The following MAGI2 variants were observed in gnomAD, a reference collection of about 807,000 sequenced individuals.
MAGI2 encodes membrane-associated guanylate kinase, WW and PDZ domain-containing protein 2.
A neutral mutation model predicts 133.3 loss-of-function variants in MAGI2; 35 were observed. The ratio of observed to expected loss-of-function variants is 0.26; its 90% CI spans 0.20 to 0.35. The LOEUF (loss-of-function observed/expected upper bound fraction) is 0.35, where lower values mean the gene tolerates loss of function less well. Among genes scored for constraint, MAGI2 ranks in the 10% least tolerant of loss-of-function variants. The probability of loss-of-function intolerance (pLI) is 1.00; values close to 1 mark genes in which losing one functional copy is unlikely to be tolerated. For synonymous variants in MAGI2, 729 were observed against 710.6 expected, an observed-to-expected ratio of 1.03 and a Z score of -0.41; for missense variants, 1,636 against 1,863.4, an observed-to-expected ratio of 0.88 and a Z score of 2.25.
At chr7:78,233,346 A>G (rs1479405594) in intron 10 of MAGI2, among the ~76,000 whole-genome samples, 2 of 152,180 alleles carry the variant, frequency 1.3e-5, no homozygotes, top group Admixed American at 6.6e-5. Flanking sequence ...AGCGTCCCGG[A>G]AGCCACGGGA....
chr7:79,450,412 C>A (rs990631207), intron 1 of MAGI2, among the ~76,000 whole-genome samples: 18 of 152,026 alleles, frequency 1.2e-4, no homozygotes, highest in African/African-American at 4.3e-4. Flanking sequence ...AGAATAGCAA[C>A]ATGAATCATA....
chr7:78,160,101 A>T lies in MAGI2; in HGVS notation c.2769T>A (p.Ile923=). The T allele has an allele frequency of 6.2e-7, 1 of 1,610,670 alleles. No individual in the cohort carries two copies. Among genetic ancestry groups the T allele is most frequent in the Non-Finnish European group, 8.5e-7 (1 of 1,178,264 alleles). The change falls in exon 16 of 22, where the codon ATT becomes ATA. Residue 923 remains isoleucine, a synonymous_variant. Transcript: ENST00000354212. ...CGAAGCCCTCATTCTCTTTGCGGTGAATGACCACATCACTGGTCTGCAGGC... is the reference window on the plus strand; with the variant it reads ...CGAAGCCCTCATTCTCTTTGCGGTGTATGACCACATCACTGGTCTGCAGGC... ...SHSLQTSDVV[I]HRKENEGFGF...
intron 2 of MAGI2, among the ~76,000 whole-genome samples, chr7:78,737,106 A>T (rs1437401464): frequency 6.6e-6 from 1 of 152,212 alleles, no homozygotes; most frequent in Non-Finnish European, 1.5e-5. Context: ...AAAGAAAACA[A>T]TTGACAGTGA....
In MAGI2 at chr7:78,570,780, A is replaced by G. The variant is rs531042474; in HGVS notation, c.539-49135T>C. 1.6e-3 allele frequency among the ~76,000 whole-genome samples: 242 copies of G among 152,210 alleles called. 2 individuals are homozygous for G. The South Asian group carries it at 0.021, about 13-fold the overall frequency. ...AATGCAATAAAGTGCTTTGTTCCAG[A>G]TTATATATTTCTGTGCTTCTTTGTT... is the stretch of plus-strand genomic sequence containing the variant. On this transcript the variant is annotated intron_variant, in intron 3 of 21. Transcript: ENST00000354212.
At chr7:79,086,546 A>C (rs1420364364) in intron 1 of MAGI2, among the ~76,000 whole-genome samples, 1 of 151,880 alleles carries the variant, frequency 6.6e-6, no homozygotes, top group African/African-American at 2.4e-5. Flanking sequence ...CTAGTTCTGA[A>C]AAAGTTGATT....
chr7:78,765,343 C>CTTTTT (rs10672746), intron 2 of MAGI2, among the ~76,000 whole-genome samples: 2,677 of 88,962 alleles, frequency 0.03, 55 homozygotes, highest in Middle Eastern at 0.066. Context: ...TAGTGCACAT[C>CTTTTT]TTTTTTTTTT....
chr7:79,052,387 A>G (rs2116999270), intron 1 of MAGI2, among the ~76,000 whole-genome samples: 1 of 152,348 alleles, frequency 6.6e-6, no homozygotes. Flanking sequence ...GTGAAAGCAC[A>G]GCATTAAGCC....
chr7:78,335,751 T>C (rs76780758), intron 9 of MAGI2, among the ~76,000 whole-genome samples: 3,961 of 152,248 alleles, frequency 0.026, 175 homozygotes, highest in African/African-American at 0.091. Flanking sequence ...AATATGATTA[T>C]TTTAAGAAAT....
At chr7:78,679,680 T>C (rs1438473387) in intron 2 of MAGI2, among the ~76,000 whole-genome samples, 1 of 152,152 alleles carries the variant, frequency 6.6e-6, no homozygotes, top group Non-Finnish European at 1.5e-5. Context: ...TTCTGGAGTT[T>C]ACACGTAGAA....
chr7:78,757,921 G>A (rs1585311867), intron 2 of MAGI2, among the ~76,000 whole-genome samples: 3 of 151,890 alleles, frequency 2.0e-5, no homozygotes, highest in South Asian at 2.1e-4. Context: ...ATTCCAGAAC[G>A]ATACACCCAG....
chr7:79,177,702 TA>T (rs1308966202), intron 1 of MAGI2, among the ~76,000 whole-genome samples: 2 of 152,100 alleles, frequency 1.3e-5, no homozygotes, highest in Non-Finnish European at 2.9e-5. Context: ...AAAGATATTG[TA>T]GCACATTACT....
chr7:78,926,871 T>G (rs967329894), intron 2 of MAGI2, among the ~76,000 whole-genome samples: 1 of 151,784 alleles, frequency 6.6e-6, no homozygotes, highest in Non-Finnish European at 1.5e-5. Flanking sequence ...TGAGTACCAT[T>G]CTGACTGTAA....
Position 78,504,953 on chromosome 7 carries a change from T to C in MAGI2, c.755-3166A>G, listed in dbSNP as rs574531318. Among the ~76,000 whole-genome samples, 3 of 152,258 alleles carry C rather than the reference T, an allele frequency of 2.0e-5. No individual in the cohort carries two copies. In the South Asian group the frequency reaches 6.2e-4, roughly 32 times the overall value. On this transcript the variant is annotated intron_variant, in intron 4 of 21. Transcript: ENST00000354212. Reference sequence around the variant, plus strand: ...TTAATCCTATTTTTCTAAATAAGCATATATTAAGATCTCTAAGTGATATAT... The same window carrying C: ...TTAATCCTATTTTTCTAAATAAGCACATATTAAGATCTCTAAGTGATATAT...
At chr7:78,472,918 G>A (rs1269216221) in intron 6 of MAGI2, among the ~76,000 whole-genome samples, 1 of 152,114 alleles carries the variant, frequency 6.6e-6, no homozygotes. Context: ...ATGCCTAGTG[G>A]CGAGGTAGTA....
At chr7:78,339,072 C>T (rs1026903790) in intron 9 of MAGI2, among the ~76,000 whole-genome samples, 1 of 152,214 alleles carries the variant, frequency 6.6e-6, no homozygotes, top group Admixed American at 6.5e-5. Flanking sequence ...GTGGTTATTA[C>T]GTACCTATTA....
At chr7:78,469,918 C>T (rs1791019943) in intron 6 of MAGI2, among the ~76,000 whole-genome samples, 2 of 152,120 alleles carry the variant, frequency 1.3e-5, no homozygotes, top group Admixed American at 6.6e-5. Flanking sequence ...CTACCCAGTG[C>T]CTAGCACGGT....
At chr7:78,125,141 G>A (rs930764142) in intron 20 of MAGI2, among the ~76,000 whole-genome samples, 16 of 152,090 alleles carry the variant, frequency 1.1e-4, no homozygotes, top group Admixed American at 1.0e-3. Context: ...TAGGATTACC[G>A]GTGTGAGCCA....
At position 78,167,956 on chromosome 7, in the gene MAGI2, C is replaced by T. The variant is rs1161126393; in HGVS notation, c.2556G>A (p.Gly852=). The change falls in exon 15 of 22, where the codon GGG becomes GGA. Residue 852 remains glycine, a synonymous_variant. Coordinates refer to ENST00000354212, the MANE Select transcript of MAGI2 (RefSeq NM_012301.4). ...IDLMHHAARN[G]QVNLTVRRKV... The stretch of plus-strand genomic sequence containing the variant: ...TTCTTCTCACAGTGAGGTTGACCTG[C>T]CCATTGCGGGCTGCGTGGTGCATGA... 6.2e-7 allele frequency: 1 copy of T among 1,614,144 alleles called. No homozygotes were observed. Among genetic ancestry groups the T allele is most frequent in the Admixed American group, 1.7e-5 (1 of 60,028 alleles).
intron 2 of MAGI2, among the ~76,000 whole-genome samples, chr7:78,873,276 G>T (rs1184620839): frequency 6.6e-6 from 1 of 152,188 alleles, no homozygotes; most frequent in African/African-American, 2.4e-5. Context: ...CTGGGCCATG[G>T]ATTGGTACTG....
Sources: gnomAD v4.1 joint callset for allele counts (sites outside exome capture counted in the v4.1 genomes callset) on GRCh38, gnomAD v4.1.1 for gene constraint, MANE v1.5 for transcripts, NCBI Gene and HGNC (gene_info 2026-07-23, HGNC 2026-07-21) for gene names.